The following CPXM2 variants were observed in gnomAD, a reference collection of about 807,000 sequenced individuals.
The protein encoded by CPXM2 is carboxypeptidase X, M14 family member 2.
CPXM2 carries 66 observed loss-of-function variants against 86.1 expected under a neutral mutation model. The observed-to-expected ratio is 0.77, with a 90% CI of 0.63 to 0.94. CPXM2 has a LOEUF of 0.94. CPXM2 is among the 40% of genes least tolerant of loss of function. The pLI, the probability that CPXM2 is intolerant of heterozygous loss-of-function variation, is 0.00. For missense variants in CPXM2, 948 were observed against 1,026.3 expected (o/e 0.92, Z 1.04); for synonymous variants, 388 against 400.2 (o/e 0.97, Z 0.36).
intron 4 of CPXM2, among the ~76,000 whole-genome samples, chr10:123,828,029 G>C (rs1848083256): frequency 6.6e-6 from 1 of 152,038 alleles, no homozygotes; most frequent in Non-Finnish European, 1.5e-5. Context: ...AAATTAGCCA[G>C]ATGTTGTGGT....
At chr10:123,784,252 A>C (rs1293608218) in intron 6 of CPXM2, among the ~76,000 whole-genome samples, 1 of 152,188 alleles carries the variant, frequency 6.6e-6, no homozygotes, top group Non-Finnish European at 1.5e-5. Context: ...GGGATGTCAA[A>C]GGCTGACATC....
chr10:123,880,247 G>C lies in CPXM2; in HGVS notation c.367C>G (p.His123Asp). The part of the protein sequence containing the change: ...KSSEKAANDD[H>D]SVRVAREDVR... Reference sequence around the variant, plus strand: ...TCTTCACGGGCCACACGGACACTGTGATCATCGTTGGCAGCCTTCTCAGAG... The same window carrying C: ...TCTTCACGGGCCACACGGACACTGTCATCATCGTTGGCAGCCTTCTCAGAG... Residue 123 changes from histidine to aspartate, a missense_variant, in exon 2 of 14, where the codon CAC (histidine) becomes GAC (aspartate). By Grantham distance (81) the His-to-Asp change is moderately conservative (BLOSUM62 -1). Coordinates refer to ENST00000241305, the MANE Select transcript of CPXM2 (RefSeq NM_198148.3). The C allele has an allele frequency of 1.3e-6, 2 of 1,596,004 alleles. No individual in the cohort carries two copies. The highest frequency in any genetic ancestry group is 1.7e-6 in the Non-Finnish European group (2 of 1,166,352).
At chr10:123,937,465 AAAACAACACACACACAC>A (rs1408363784) in intron 2 of CPXM2, among the ~76,000 whole-genome samples, 11 of 139,902 alleles carry the variant, frequency 7.9e-5, no homozygotes, top group African/African-American at 2.7e-4. Flanking sequence ...ACAAGACAAC[AAAACAACACACACACAC>A]ACACACACAC....
chr10:123,852,786 C>G (rs777845247), intron 3 of CPXM2, among the ~76,000 whole-genome samples: 4 of 152,170 alleles, frequency 2.6e-5, no homozygotes, highest in East Asian at 1.9e-4. Context: ...TCTCATACCC[C>G]CTTGGCTCCC....
chr10:123,820,826 G>A (rs189459790), intron 4 of CPXM2, among the ~76,000 whole-genome samples: 63 of 152,302 alleles, frequency 4.1e-4, no homozygotes, highest in Admixed American at 1.0e-3. Context: ...GACCATAGCA[G>A]TGCCCCTTTT....
intron 6 of CPXM2, among the ~76,000 whole-genome samples, chr10:123,796,252 T>C (rs1564773496): frequency 6.6e-6 from 1 of 152,200 alleles, no homozygotes; most frequent in Non-Finnish European, 1.5e-5. Context: ...TATCATAATC[T>C]AATTTCAGGA....
At chr10:123,900,986 C>T (rs72827501) in intron 2 of CPXM2, among the ~76,000 whole-genome samples, 9,904 of 152,154 alleles carry the variant, frequency 0.065, 448 homozygotes, top group Non-Finnish European at 0.08. Context: ...AGAGGATTAA[C>T]ATTTTATTCT....
intron 2 of CPXM2, among the ~76,000 whole-genome samples, chr10:123,938,085 T>C (rs1945739604): frequency 6.6e-6 from 1 of 152,094 alleles, no homozygotes; most frequent in Non-Finnish European, 1.5e-5. Context: ...TCTCTCCCTC[T>C]TTCTGACTCT....
chr10:123,772,346 G>A (rs891748936), intron 7 of CPXM2, among the ~76,000 whole-genome samples: 1 of 151,970 alleles, frequency 6.6e-6, no homozygotes, highest in South Asian at 2.1e-4. Flanking sequence ...CCCGTTTGCA[G>A]TTATCACCTC....
Position 123,754,792 on chromosome 10 carries a change from G to GGTCA in CPXM2, c.1918-34_1918-31dup, listed in dbSNP as rs1285604775. ...TCAGCAAACATGAGACACAGGGTGA[G>GGTCA]GTCACCGACCAGCTCTGGACACAAC... On this transcript the variant is annotated intron_variant, in intron 12 of 13. Transcript: ENST00000241305. This position sits in a 1 kb window ranked among gnomAD's most constrained non-coding sequence, Gnocchi z 4.0. The GGTCA allele has an allele frequency of 1.5e-6, 2 of 1,300,646 alleles. No individual in the cohort carries two copies. Among genetic ancestry groups the GGTCA allele is most frequent in the Admixed American group, 3.4e-5 (2 of 59,640 alleles). The allele number at this position is 1,300,646 out of a possible 1,614,324, so 80.6% of individuals were successfully genotyped here.
intron 2 of CPXM2, among the ~76,000 whole-genome samples, chr10:123,899,767 A>G (rs559377438): frequency 4.1e-4 from 62 of 152,342 alleles, no homozygotes; most frequent in African/African-American, 1.4e-3. Flanking sequence ...CTTACCACAC[A>G]CGAAAGTGGA....
At chr10:123,816,025 G>A (rs1847806913) in intron 4 of CPXM2, among the ~76,000 whole-genome samples, 1 of 152,178 alleles carries the variant, frequency 6.6e-6, no homozygotes, top group Non-Finnish European at 1.5e-5. Flanking sequence ...TGGATTAGAA[G>A]ATGGCCCACT....
At chr10:123,917,920 G>C (rs1945547266) in intron 2 of CPXM2, among the ~76,000 whole-genome samples, 1 of 152,210 alleles carries the variant, frequency 6.6e-6, no homozygotes, top group African/African-American at 2.4e-5. Context: ...ACAGGAGACA[G>C]ATCTCTCTAT....
chr10:123,805,989 T>C (rs1847570884), intron 4 of CPXM2, among the ~76,000 whole-genome samples: 1 of 152,238 alleles, frequency 6.6e-6, no homozygotes, highest in East Asian at 1.9e-4. Flanking sequence ...CAATTCCATA[T>C]GTATTTTAAA....
chr10:123,904,912 A>ATCTGCATCCTTTGACCTCCCCTC (rs1184917723), intron 2 of CPXM2, among the ~76,000 whole-genome samples: 1 of 131,662 alleles, frequency 7.6e-6, no homozygotes, highest in Admixed American at 8.2e-5. Flanking sequence ...GCTCTGCATC[A>ATCTGCATCCTTTGACCTCCCCTC]CACCTGCATC....
At chr10:123,829,775 T>C (rs1006761586) in intron 4 of CPXM2, among the ~76,000 whole-genome samples, 2 of 152,088 alleles carry the variant, frequency 1.3e-5, no homozygotes, top group Non-Finnish European at 2.9e-5. Context: ...CAATGCACAC[T>C]ATAATAACCA....
chr10:123,795,514 C>T (rs1225588992), intron 6 of CPXM2, among the ~76,000 whole-genome samples: 1 of 152,108 alleles, frequency 6.6e-6, no homozygotes. Flanking sequence ...GTTTAAACCA[C>T]GAGGTCACCT....
chr10:123,761,117 C>T (rs933880970), intron 11 of CPXM2, among the ~76,000 whole-genome samples: 4 of 152,176 alleles, frequency 2.6e-5, no homozygotes, highest in African/African-American at 7.2e-5. Context: ...CCGCGGGGCC[C>T]TCTGGCTGCT....
chr10:123,827,354 C>T (rs921439770), intron 4 of CPXM2, among the ~76,000 whole-genome samples: 2 of 152,136 alleles, frequency 1.3e-5, no homozygotes, highest in African/African-American at 4.8e-5. Context: ...CAAAAACCAA[C>T]AAAGATTGCC....
Sources: allele counts gnomAD v4.1 joint callset (sites outside exome capture counted in the v4.1 genomes callset), GRCh38; gene constraint gnomAD v4.1.1; non-coding constraint Gnocchi (gnomAD v3.1); transcripts MANE v1.5; gene names NCBI Gene and HGNC (gene_info 2026-07-23, HGNC 2026-07-21).